Variants in MADD observed in about 807,000 individuals in gnomAD.
MADD encodes MAP kinase activating death domain.
Under a neutral mutation model 176.7 loss-of-function variants are expected in MADD, and 109 were observed. That is an observed-to-expected ratio of 0.62 (90% CI 0.53 to 0.72). The LOEUF (loss-of-function observed/expected upper bound fraction) is 0.72, where lower values mean the gene tolerates loss of function less well. Ranked by LOEUF, MADD falls within the 30% of genes least tolerant of loss-of-function variation. MADD has a pLI of 0.00. For missense variants in MADD, 1,914 were observed against 2,045.5 expected (o/e 0.94, Z 1.24); for synonymous variants, 771 against 771.3 (o/e 1.00, Z 0.01).
intron 10 of MADD, among the ~76,000 whole-genome samples, chr11:47,283,712 C>T (rs1226141851): frequency 6.6e-6 from 1 of 152,228 alleles, no homozygotes; most frequent in Non-Finnish European, 1.5e-5. Flanking sequence ...GCTGGGATTA[C>T]AGGCACATGC....
chr11:47,304,629 TATC>T (rs1175854389), intron 22 of MADD, among the ~76,000 whole-genome samples: 5 of 152,252 alleles, frequency 3.3e-5, no homozygotes, highest in African/African-American at 1.2e-4. Flanking sequence ...TTCTAATTCA[TATC>T]ATGAACTGTT....
At chr11:47,271,906 C>T (rs7114704) in intron 1 of MADD, 6,467 of 152,248 alleles carry the variant, frequency 0.042, 185 homozygotes, top group Non-Finnish European at 0.058. Context: ...GCTCATGACT[C>T]TATTGCAGTT....
intron 27 of MADD, among the ~76,000 whole-genome samples, chr11:47,319,104 G>A (rs2093856703): frequency 6.9e-6 from 1 of 144,570 alleles, no homozygotes; most frequent in Non-Finnish European, 1.5e-5. Flanking sequence ...TGCCACACCT[G>A]GCCAAGGAAA....
intron 20 of MADD, among the ~76,000 whole-genome samples, 156 bp downstream of exon 22, chr11:47,294,139 C>CA (rs1329077924): frequency 2.0e-5 from 3 of 151,642 alleles, no homozygotes; most frequent in Non-Finnish European, 1.5e-5. Flanking sequence ...CACCTGAGGT[C>CA]GGGAGTTCGA....
At chr11:47,309,253 C>T (rs2085914482) in intron 23 of MADD, 28 bp from the exon 27 acceptor site, 1 of 1,601,856 alleles carries the variant, frequency 6.2e-7, no homozygotes, top group Admixed American at 1.8e-5. Context: ...GTTAAATAGG[C>T]CCCCTAAGAA....
At chr11:47,302,007 T>G (rs1008726292) in intron 22 of MADD, among the ~76,000 whole-genome samples, 7 of 152,166 alleles carry the variant, frequency 4.6e-5, no homozygotes, top group African/African-American at 1.4e-4. Flanking sequence ...ATCCGGTATT[T>G]CTGTGTTGAT....
rs118167998 is a variant in MADD at position 47,274,501 on chromosome 11, G to A, written c.63-62G>A. The A allele has an allele frequency of 5.3e-4, 705 of 1,338,178 alleles. 2 individuals carry two copies. The East Asian group carries it at 0.014, about 26-fold the overall frequency. 82.9% of individuals were successfully genotyped at this position (1,338,178 alleles called of 1,614,324 possible). A position where few individuals can be genotyped will look rare whatever the true frequency, so the allele number is the denominator to read the frequency against. On this transcript the variant is annotated intron_variant, in intron 2 of 32. Transcript: ENST00000402192. ...TCTTGAGCTTTATTTGTTGACTGTG[G>A]TTAAAATTTGATAGCCCATTCCATC...
chr11:47,302,464 G>A (rs956796783), intron 22 of MADD, among the ~76,000 whole-genome samples: 8 of 152,092 alleles, frequency 5.3e-5, no homozygotes, highest in Non-Finnish European at 8.8e-5. Flanking sequence ...TGCCCGCTTC[G>A]GCCTCCCAAA....
intron 22 of MADD, among the ~76,000 whole-genome samples, chr11:47,300,269 C>T (rs1212644142): frequency 1.5e-5 from 2 of 135,866 alleles, no homozygotes; most frequent in East Asian, 2.2e-4. Context: ...TGCAGTTGTG[C>T]GATCTCGGCT....
rs1406115271 is a variant in MADD at position 47,279,202 on chromosome 11, G to A, written c.1290+123G>A. The A allele has an allele frequency of 1.5e-5, 13 of 886,696 alleles. No individual in the cohort carries two copies. The East Asian group carries it at 1.9e-4, about 13-fold the overall frequency. The allele number at this position is 886,696 out of a possible 1,614,324, so 54.9% of individuals were successfully genotyped here. ...AAGTGGAGTAGTTTTCTTCACCCTG[G>A]ATGGGCTTAAGAAAACGCGTATCCC... is the stretch of plus-strand genomic sequence containing the variant. On this transcript the variant is annotated intron_variant, in intron 7 of 32. Coordinates refer to ENST00000402192, the Ensembl canonical transcript of MADD.
In MADD at chr11:47,325,571, G is replaced by T. The variant is rs187268891; in HGVS notation, c.4542+994G>T. Among the ~76,000 whole-genome samples, 3 of 152,348 alleles carry T rather than the reference G, an allele frequency of 2.0e-5. No individual in the cohort carries two copies. The highest frequency in any genetic ancestry group is 7.2e-5 in the African/African-American group (3 of 41,590). On this transcript the variant is annotated intron_variant, in intron 30 of 32. Coordinates refer to ENST00000402192, the Ensembl canonical transcript of MADD. The surrounding 1 kb of genome is among the most constrained non-coding windows in gnomAD (Gnocchi z 4.5). Reference sequence around the variant, plus strand: ...GGCAGCTTTGGTTTAACAGGAAATGGCTGCGCAGGCTGCCAGCAGCCCCTT... The same window carrying T: ...GGCAGCTTTGGTTTAACAGGAAATGTCTGCGCAGGCTGCCAGCAGCCCCTT...
chr11:47,293,904 T>C, exon 20 of MADD: 2 of 1,614,014 alleles, frequency 1.2e-6, no homozygotes, highest in African/African-American at 2.7e-5. Flanking sequence ...ATCAAACCTG[T>C]CTTTGACCTT....
intron 15 of MADD, 29 bp downstream of exon 16, chr11:47,289,056 T>A (rs771286695): frequency 1.3e-6 from 2 of 1,568,724 alleles, no homozygotes; most frequent in Admixed American, 4.3e-5. Context: ...CTGTGCATGA[T>A]CTTTTTTTTT....
chr11:47,270,514 CGGGGGA>C (rs1054211891), intron 1 of MADD: 2 of 7,072 alleles, frequency 2.8e-4, no homozygotes, highest in Non-Finnish European at 5.5e-4. Flanking sequence ...GGGGCGGGGG[CGGGGGA>C]GAACTGTCCA....
chr11:47,289,020 T>G, intron 15 of MADD: 1 of 1,591,632 alleles, frequency 6.3e-7, no homozygotes, highest in Non-Finnish European at 8.5e-7. Flanking sequence ...GCCCCGGGAG[T>G]GGTGAAGGTG....
At chr11:47,288,512 A>T (rs1230988060) in intron 15 of MADD, among the ~76,000 whole-genome samples, 1 of 152,116 alleles carries the variant, frequency 6.6e-6, no homozygotes, top group East Asian at 1.9e-4. Flanking sequence ...GAGCGATTGA[A>T]ACTCTTTCAT....
chr11:47,324,220 C>A (rs1194151280), intron 28 of MADD, 45 bp from the exon 32 acceptor site: 1 of 1,578,180 alleles, frequency 6.3e-7, no homozygotes, highest in Admixed American at 1.7e-5. Flanking sequence ...GGTGGGGAAC[C>A]CTGGACAGCC....
chr11:47,300,895 A>G lies in MADD; in HGVS notation c.3642+4840A>G, dbSNP rs562174778. Reference sequence around the variant, plus strand: ...AAATCTTGGTAGGTTGTCTATGTCTAAATTTATCCGTTTCTAATTTGTTGG... The same window carrying G: ...AAATCTTGGTAGGTTGTCTATGTCTGAATTTATCCGTTTCTAATTTGTTGG... On this transcript the variant is annotated intron_variant, in intron 22 of 32. Coordinates refer to ENST00000402192, the Ensembl canonical transcript of MADD. 5.3e-5 allele frequency among the ~76,000 whole-genome samples: 8 copies of G among 152,174 alleles called. No individual in the cohort carries two copies. In the South Asian group the frequency reaches 1.5e-3, roughly 28 times the overall value.
intron 15 of MADD, among the ~76,000 whole-genome samples, 156 bp downstream of exon 15, chr11:47,286,690 A>G (rs1449708547): frequency 6.6e-6 from 1 of 151,988 alleles, no homozygotes; most frequent in African/African-American, 2.4e-5. Flanking sequence ...CTGGGCTCTG[A>G]TGGTTGTCAG....
Sources: allele counts gnomAD v4.1 joint callset (sites outside exome capture counted in the v4.1 genomes callset), GRCh38; gene constraint gnomAD v4.1.1; non-coding constraint Gnocchi (gnomAD v3.1); transcripts MANE v1.5; gene names NCBI Gene and HGNC (gene_info 2026-07-23, HGNC 2026-07-21).